KLB: variants seen among roughly 807,000 people sequenced by gnomAD.
The protein encoded by KLB is beta-klotho.
A neutral mutation model predicts 88.4 loss-of-function variants in KLB; 44 were observed. The ratio of observed to expected loss-of-function variants is 0.50; its 90% CI spans 0.39 to 0.64. KLB has a LOEUF of 0.64. Among genes scored for constraint, KLB ranks in the 30% least tolerant of loss-of-function variants. The probability of loss-of-function intolerance (pLI) is 0.00; values close to 1 mark genes in which losing one functional copy is unlikely to be tolerated. For missense variants in KLB, 1,137 were observed against 1,304.8 expected (o/e 0.87, Z 1.98); for synonymous variants, 548 against 513.4 (o/e 1.07, Z -0.91).
chr4:39,435,962 TATTACATG>T (rs1743463060), intron 2 of KLB, among the ~76,000 whole-genome samples: 1 of 152,232 alleles, frequency 6.6e-6, no homozygotes, highest in Non-Finnish European at 1.5e-5. Flanking sequence ...CTTTATACTC[TATTACATG>T]ACGGCATGAT....
chr4:39,424,383 A>G (rs1743151729), intron 1 of KLB, among the ~76,000 whole-genome samples: 1 of 151,696 alleles, frequency 6.6e-6, no homozygotes, highest in South Asian at 2.1e-4. Context: ...ATAAATTACT[A>G]TAGCCTTAGA....
intron 2 of KLB, among the ~76,000 whole-genome samples, chr4:39,436,286 G>A (rs1242472909): frequency 2.0e-5 from 3 of 152,192 alleles, no homozygotes; most frequent in Non-Finnish European, 2.9e-5. Flanking sequence ...GGTCCTGAGG[G>A]AGAGCAAGAC....
At chr4:39,421,641 G>A (rs908494936) in intron 1 of KLB, among the ~76,000 whole-genome samples, 8 of 152,092 alleles carry the variant, frequency 5.3e-5, no homozygotes, top group African/African-American at 1.9e-4. Flanking sequence ...TATAACTCCA[G>A]CTACTCGAGA....
intron 1 of KLB, among the ~76,000 whole-genome samples, chr4:39,420,334 T>C (rs1235292409): frequency 2.0e-5 from 3 of 152,202 alleles, no homozygotes; most frequent in Non-Finnish European, 4.4e-5. Flanking sequence ...GACTCCTCCT[T>C]ACATTGTTTT....
At chr4:39,447,794 A>C (rs1009531286) in intron 4 of KLB, among the ~76,000 whole-genome samples, 2 of 152,210 alleles carry the variant, frequency 1.3e-5, no homozygotes, top group Non-Finnish European at 2.9e-5. Flanking sequence ...CTTTAAAAAA[A>C]TGGTTGTGGG....
intron 3 of KLB, among the ~76,000 whole-genome samples, chr4:39,441,373 A>C (rs1743592890): frequency 6.6e-6 from 1 of 152,134 alleles, no homozygotes; most frequent in South Asian, 2.1e-4. Context: ...CTATCACTTT[A>C]ATTGGGTTTA....
At chr4:39,417,105 T>G (rs200341903) in intron 1 of KLB, among the ~76,000 whole-genome samples, 2 of 850 alleles carry the variant, frequency 2.4e-3, no homozygotes, top group East Asian at 0.25. Flanking sequence ...AAAAAAAGGA[T>G]TTTTTTAAAA....
At chr4:39,417,767 TA>T (rs1242255883) in intron 1 of KLB, among the ~76,000 whole-genome samples, 1 of 152,214 alleles carries the variant, frequency 6.6e-6, no homozygotes, top group Non-Finnish European at 1.5e-5. Flanking sequence ...ACATACTAGG[TA>T]CCTGTAATAT....
rs764241561 is a variant in KLB at position 39,448,447 on chromosome 4, G to T, written c.2896G>T (p.Gly966Cys). ...QFYNKVISSR[G>C]FPFENSSSRC... ...TTACAACAAAGTGATCAGCAGCAGG[G>T]GCTTCCCTTTTGAGAACAGTAGTTC... The change falls in exon 5 of 5, where the codon GGC becomes TGC. Residue 966 changes from glycine (G) to cysteine (C), a missense_variant. Physicochemically the swap from Gly to Cys is radical, Grantham distance 159. Transcript: ENST00000257408. 1.2e-6 allele frequency: 2 copies of T among 1,614,076 alleles called. No individual in the cohort carries two copies. The highest frequency in any genetic ancestry group is 1.7e-6 in the Non-Finnish European group (2 of 1,180,018).
At chr4:39,433,093 C>T (rs868762907) in intron 1 of KLB, among the ~76,000 whole-genome samples, 3 of 151,956 alleles carry the variant, frequency 2.0e-5, no homozygotes, top group African/African-American at 4.8e-5. Flanking sequence ...TTGGCCAGGC[C>T]GGTCTCAAAC....
chr4:39,407,711 G>A lies in KLB; in HGVS notation c.762G>A (p.Met254Ile), dbSNP rs777993447. The change falls in exon 1 of 5, where the codon ATG (methionine) becomes ATA (isoleucine). Residue 254 changes from methionine to isoleucine, a missense_variant. Around this residue, in one of 4 missense-constraint regions of KLB, gnomAD observed 597 missense variants for 765.2 expected, o/e 0.78. Coordinates refer to ENST00000257408, the MANE Select transcript of KLB (RefSeq NM_175737.4). ...LVAWHGYGTG[M>I]HAPGEKGNLA... is the part of the protein sequence containing the mutation. Reference sequence around the variant, plus strand: ...CTTGGCATGGGTATGGGACAGGTATGCATGCCCCTGGAGAGAAGGGAAATT... The same window carrying A: ...CTTGGCATGGGTATGGGACAGGTATACATGCCCCTGGAGAGAAGGGAAATT... The A allele has an allele frequency of 1.2e-6, 2 of 1,612,954 alleles. No homozygotes were observed. Among genetic ancestry groups the A allele is most frequent in the Non-Finnish European group, 1.7e-6 (2 of 1,178,990 alleles).
intron 1 of KLB, among the ~76,000 whole-genome samples, chr4:39,431,158 GAGC>G (rs1743351748): frequency 6.9e-6 from 1 of 145,326 alleles, no homozygotes; most frequent in African/African-American, 2.6e-5. Flanking sequence ...TCGAATTCCT[GAGC>G]TCAAGCAATC....
At chr4:39,411,159 G>A (rs1173461202) in intron 1 of KLB, among the ~76,000 whole-genome samples, 1 of 145,170 alleles carries the variant, frequency 6.9e-6, no homozygotes, top group Non-Finnish European at 1.5e-5. Flanking sequence ...GTTCAAGCGG[G>A]AGCCTCAGCC....
chr4:39,441,079 C>G (rs993745769), intron 3 of KLB, among the ~76,000 whole-genome samples: 1 of 152,102 alleles, frequency 6.6e-6, no homozygotes, highest in African/African-American at 2.4e-5. Flanking sequence ...TGGTCTCGAA[C>G]TCTTGGCCTC....
At position 39,412,611 on chromosome 4, in the gene KLB, G is replaced by A. The variant is rs562111481; in HGVS notation, c.825+4837G>A. Among the ~76,000 whole-genome samples, 3 of 152,178 alleles carry A rather than the reference G, an allele frequency of 2.0e-5. No individual in the cohort carries two copies. In the South Asian group the frequency reaches 6.2e-4, roughly 32 times the overall value. On this transcript the variant is annotated intron_variant, in intron 1 of 4. Transcript: ENST00000257408. ...CAAATGCCCTCTTTACTTCGTGATG[G>A]TCACTGCCTCCAAGTCATTCTTGCC...
At chr4:39,438,290 A>G (rs896706884) in intron 3 of KLB, among the ~76,000 whole-genome samples, 2 of 152,210 alleles carry the variant, frequency 1.3e-5, no homozygotes, top group Non-Finnish European at 2.9e-5. Context: ...GGTTTTTGTT[A>G]TAATAGTAAT....
intron 3 of KLB, among the ~76,000 whole-genome samples, chr4:39,439,706 C>T (rs890586760): frequency 1.4e-5 from 2 of 146,242 alleles, no homozygotes; most frequent in Non-Finnish European, 3.0e-5. Flanking sequence ...TGTTGCTCAT[C>T]GCCCAGGCTG....
At chr4:39,421,383 G>A (rs972438112) in intron 1 of KLB, among the ~76,000 whole-genome samples, 1 of 152,206 alleles carries the variant, frequency 6.6e-6, no homozygotes, top group Admixed American at 6.6e-5. Context: ...GTAAGGTAAT[G>A]CTGATGAATT....
intron 4 of KLB, 25 bp downstream of exon 4, chr4:39,447,500 C>G: frequency 6.6e-7 from 1 of 1,510,462 alleles, no homozygotes; most frequent in Non-Finnish European, 8.9e-7. Flanking sequence ...CCTTCAGACA[C>G]AGGGCAGAGC....
Sources: allele counts gnomAD v4.1 joint callset (sites outside exome capture counted in the v4.1 genomes callset), GRCh38; gene constraint gnomAD v4.1.1; regional missense constraint gnomAD v4.1.1; transcripts MANE v1.5; gene names NCBI Gene and HGNC (gene_info 2026-07-23, HGNC 2026-07-21).